The following ATP6V1E1 variants were observed in gnomAD, a reference collection of about 807,000 sequenced individuals.
ATP6V1E1 encodes V-type proton ATPase subunit E 1.
ATP6V1E1 carries 21 observed loss-of-function variants against 35.2 expected under a neutral mutation model. The observed-to-expected ratio is 0.60, with a 90% confidence interval of 0.42 to 0.86. The LOEUF is 0.86. Ranked by LOEUF, ATP6V1E1 falls within the 40% of genes least tolerant of loss-of-function variation. ATP6V1E1 has a pLI of 0.00. For missense variants in ATP6V1E1, 183 were observed against 272.6 expected (o/e 0.67, Z 2.32); for synonymous variants, 83 against 87.8 (o/e 0.95, Z 0.30).
At chr22:17,626,529 C>G (rs1426806466) in intron 1 of ATP6V1E1, among the ~76,000 whole-genome samples, 1 of 151,544 alleles carries the variant, frequency 6.6e-6, no homozygotes, top group Non-Finnish European at 1.5e-5. Flanking sequence ...GTGTGCCCCA[C>G]CACACCTGGC....
chr22:17,610,388 G>A (rs1189712054), intron 4 of ATP6V1E1, among the ~76,000 whole-genome samples: 1 of 151,976 alleles, frequency 6.6e-6, no homozygotes, highest in African/African-American at 2.4e-5. Flanking sequence ...ATGAAAGGTC[G>A]GTATACCATC....
intron 1 of ATP6V1E1, among the ~76,000 whole-genome samples, chr22:17,620,481 C>T (rs1220620286): frequency 2.6e-5 from 4 of 151,944 alleles, no homozygotes; most frequent in South Asian, 2.1e-4. Flanking sequence ...CTTCCCTTTG[C>T]GTCCGTGACT....
intron 4 of ATP6V1E1, among the ~76,000 whole-genome samples, chr22:17,606,000 A>G (rs1258630818): frequency 1.3e-5 from 2 of 149,860 alleles, no homozygotes; most frequent in African/African-American, 4.9e-5. Flanking sequence ...TCAAAGGAGT[A>G]AAGTGGGGTT....
At chr22:17,612,759 G>A (rs2057821492) in intron 4 of ATP6V1E1, 53 bp downstream of exon 4, 1 of 1,361,942 alleles carries the variant, frequency 7.3e-7, no homozygotes, top group Non-Finnish European at 1.0e-6. Context: ...TTTACAACAG[G>A]GAAATGAATA....
rs1444705142 is a variant in ATP6V1E1 at position 17,592,640 on chromosome 22, G to A, written c.*34C>T. 31 of 1,601,416 alleles carry A rather than the reference G, an allele frequency of 1.9e-5. No homozygotes were observed. Among genetic ancestry groups the A allele is most frequent in the Non-Finnish European group, 2.6e-5 (30 of 1,168,578 alleles). ...TATCAGAAGCTTCCACATCACAGCA[G>A]GAGAGCTGACGACGAGCTCCACCTC... On this transcript the variant is annotated 3_prime_UTR_variant, in exon 9 of 9. Coordinates refer to ENST00000253413, the MANE Select transcript of ATP6V1E1 (RefSeq NM_001696.4).
intron 4 of ATP6V1E1, among the ~76,000 whole-genome samples, chr22:17,609,174 T>C (rs2057801805): frequency 6.6e-6 from 1 of 150,980 alleles, no homozygotes; most frequent in Non-Finnish European, 1.5e-5. Flanking sequence ...TTTTTTTTCC[T>C]TTTTTGAGCG....
Position 17,596,659 on chromosome 22 carries a change from A to G in ATP6V1E1, c.530+1535T>C, listed in dbSNP as rs950782574. ...TAAATGGACGACACCACTCAATGAA[A>G]CTGAATAAACGAGTCCAAGATTACC... is the stretch of plus-strand genomic sequence containing the variant. On this transcript the variant is annotated intron_variant, in intron 7 of 8. Transcript: ENST00000253413. Among the ~76,000 whole-genome samples the G allele has an allele frequency of 5.3e-5, 8 of 152,172 alleles. No individual in the cohort carries two copies. In the East Asian group the frequency reaches 1.5e-3, roughly 29 times the overall value.
Position 17,613,685 on chromosome 22 carries a change from T to C in ATP6V1E1, c.100-365A>G, listed in dbSNP as rs532435694. 6.6e-4 allele frequency among the ~76,000 whole-genome samples: 101 copies of C among 152,346 alleles called. 5 individuals are homozygous for C. The South Asian group carries it at 0.021, about 31-fold the overall frequency. On this transcript the variant is annotated intron_variant, in intron 2 of 8. Transcript: ENST00000253413. ...CAGAACTTGAAAGTTTAGAAGATCC[T>C]GGCCGGGTGCGGTGGCTCACGCCTA...
At position 17,600,016 on chromosome 22, in the gene ATP6V1E1, A is replaced by C; in HGVS notation, c.435+11T>G. On this transcript the variant is annotated intron_variant, in intron 6 of 8. Coordinates refer to ENST00000253413, the MANE Select transcript of ATP6V1E1 (RefSeq NM_001696.4). ...AGGGAGGGAGGGAAAAAATTATCCT[A>C]AGTTCTTTACCTTTACCAGAGGGAA... 1 of 1,609,332 alleles carries C rather than the reference A, an allele frequency of 6.2e-7. No homozygotes were observed. Among genetic ancestry groups the C allele is most frequent in the Non-Finnish European group, 8.5e-7 (1 of 1,176,060 alleles).
At chr22:17,594,475 G>A (rs2057720929) in intron 8 of ATP6V1E1, 54 bp downstream of exon 8, 1 of 1,346,092 alleles carries the variant, frequency 7.4e-7, no homozygotes, top group Non-Finnish European at 1.0e-6. Context: ...CGTGTTCTCT[G>A]TCCCACTTCA....
intron 4 of ATP6V1E1, among the ~76,000 whole-genome samples, chr22:17,604,994 T>A (rs1027736050): frequency 1.3e-5 from 2 of 151,728 alleles, no homozygotes; most frequent in Admixed American, 6.6e-5. Context: ...AGCAGGTGCA[T>A]CACCTGAGGT....
intron 4 of ATP6V1E1, among the ~76,000 whole-genome samples, chr22:17,611,123 C>T (rs1568887941): frequency 6.6e-6 from 1 of 151,910 alleles, no homozygotes; most frequent in Non-Finnish European, 1.5e-5. Flanking sequence ...TTCCCTAAGA[C>T]ATTATTATTG....
At chr22:17,626,830 A>G (rs147790223) in intron 1 of ATP6V1E1, among the ~76,000 whole-genome samples, 1 of 151,938 alleles carries the variant, frequency 6.6e-6, no homozygotes, top group Admixed American at 6.6e-5. Flanking sequence ...ATGCCCAGAC[A>G]GCCTGGCTTA....
chr22:17,613,152 C>T (rs1394593821), intron 3 of ATP6V1E1, 59 bp downstream of exon 3: 12 of 1,446,156 alleles, frequency 8.3e-6, no homozygotes, highest in South Asian at 1.2e-5. Flanking sequence ...GACTCCAAAG[C>T]GCCTGCTCAT....
chr22:17,624,983 G>A (rs1054244451), intron 1 of ATP6V1E1, among the ~76,000 whole-genome samples: 12 of 152,102 alleles, frequency 7.9e-5, no homozygotes, highest in African/African-American at 2.7e-4. Flanking sequence ...AGTATATGGA[G>A]GGCATTTTAC....
intron 1 of ATP6V1E1, among the ~76,000 whole-genome samples, chr22:17,624,661 A>C (rs1186786386): frequency 6.6e-6 from 1 of 152,118 alleles, no homozygotes; most frequent in Non-Finnish European, 1.5e-5. Context: ...TGTACTAAAA[A>C]TACAAAAAAA....
intron 6 of ATP6V1E1, among the ~76,000 whole-genome samples, chr22:17,599,505 G>C (rs2057750624): frequency 2.0e-5 from 3 of 147,868 alleles, no homozygotes; most frequent in Admixed American, 1.4e-4. Flanking sequence ...GAACCCGGGG[G>C]GGCAGAGGTT....
At chr22:17,602,044 A>G (rs2057764559) in intron 4 of ATP6V1E1, among the ~76,000 whole-genome samples, 1 of 152,148 alleles carries the variant, frequency 6.6e-6, no homozygotes, top group Non-Finnish European at 1.5e-5. Flanking sequence ...ATCTGGGACC[A>G]CAGGCGTGTA....
At chr22:17,605,518 G>A (rs1408632139) in intron 4 of ATP6V1E1, among the ~76,000 whole-genome samples, 3 of 152,032 alleles carry the variant, frequency 2.0e-5, no homozygotes, top group South Asian at 2.1e-4. Flanking sequence ...CAACAAGAGC[G>A]AAACTCCGTC....
Sources: allele counts gnomAD v4.1 joint callset (sites outside exome capture counted in the v4.1 genomes callset), GRCh38; gene constraint gnomAD v4.1.1; transcripts MANE v1.5; gene names NCBI Gene and HGNC (gene_info 2026-07-23, HGNC 2026-07-21).